The following SEPTIN8 variants were observed in gnomAD, a reference collection of about 807,000 sequenced individuals.
SEPTIN8 encodes septin-8.
A neutral mutation model predicts 53.1 loss-of-function variants in SEPTIN8; 22 were observed. The ratio of observed to expected loss-of-function variants is 0.41; its 90% confidence interval spans 0.30 to 0.59. The LOEUF (loss-of-function observed/expected upper bound fraction) is 0.59, where lower values mean the gene tolerates loss of function less well. Ranked by LOEUF, SEPTIN8 falls within the 20% of genes least tolerant of loss-of-function variation. The pLI is 0.24. For synonymous variants in SEPTIN8, 228 were observed against 248.4 expected (o/e 0.92, Z 0.77); for missense variants, 536 against 638.7 (o/e 0.84, Z 1.73).
chr5:132,778,185 T>C, upstream of SEPTIN8: 3 of 637,202 alleles, frequency 4.7e-6, no homozygotes, highest in Non-Finnish European at 5.9e-6. Flanking sequence ...TTCTCTTCCC[T>C]CTGCCTTTCT....
At chr5:132,765,610 TA>T in intron 1 of SEPTIN8, 81 bp from the exon 2 acceptor site, 2 of 1,472,908 alleles carry the variant, frequency 1.4e-6, no homozygotes. Flanking sequence ...AAATCTGAGT[TA>T]AAACAGTGAA....
intron 1 of SEPTIN8, among the ~76,000 whole-genome samples, chr5:132,769,828 G>A (rs1756987764): frequency 1.3e-5 from 2 of 151,378 alleles, no homozygotes; most frequent in Middle Eastern, 6.8e-3. Flanking sequence ...TTCCCGGGGA[G>A]AGGTGGGAAT....
In SEPTIN8 at chr5:132,752,170, A is replaced by T. The variant is rs1315998224; in HGVS notation, c.1298T>A (p.Ile433Lys). 6.3e-7 allele frequency: 1 copy of T among 1,585,218 alleles called. No homozygotes were observed. The highest frequency in any genetic ancestry group is 8.6e-7 in the Non-Finnish European group (1 of 1,164,534). The change falls in exon 10 of 10, where the codon ATA becomes AAA. Residue 433 changes from isoleucine (I) to lysine (K), a missense_variant. By Grantham distance (102) the Ile-to-Lys change is moderately radical (BLOSUM62 -3). This residue lies in a region of SEPTIN8 where 133 missense variants were observed against 157.4 expected (regional missense o/e 0.84). Coordinates refer to ENST00000378719, the MANE Select transcript of SEPTIN8 (RefSeq NM_001098811.2). ...GCTCATGCCCGGCTGGTGTGCTCCTATATCTGATCTGCTAAAGAAAGCACA... is the reference window on the plus strand; with the variant it reads ...GCTCATGCCCGGCTGGTGTGCTCCTTTATCTGATCTGCTAAAGAAAGCACA... ...KDKDKKNRSDIGAHQPGMSLS... is the reference protein window; with the variant it reads ...KDKDKKNRSDKGAHQPGMSLS...
At chr5:132,779,380 A>G (rs1461832710), upstream of SEPTIN8, among the ~76,000 whole-genome samples, 1 of 152,220 alleles carries the variant, frequency 6.6e-6, no homozygotes, top group Non-Finnish European at 1.5e-5. Flanking sequence ...GCTGAGTTCC[A>G]TACACAGACA....
chr5:132,766,011 G>GT (rs1048797858), intron 1 of SEPTIN8, among the ~76,000 whole-genome samples: 1 of 152,176 alleles, frequency 6.6e-6, no homozygotes, highest in African/African-American at 2.4e-5. Context: ...GTAGGGCCAC[G>GT]TCTGGTCCAA....
Position 132,777,108 on chromosome 5 carries a change from C to T in SEPTIN8, c.30G>A (p.Ser10=). ...CGCCGTGGCCCAGCGGGGCCCTCAC[C>T]GAGAAGCGCTCCAGGTCGGTGGCCG... MAATDLERF[S]NAEPEPRSLS... The change falls in exon 1 of 10, where the codon TCG becomes TCA. Residue 10 remains serine, a splice_region_variant and synonymous_variant. Coordinates refer to ENST00000378719, the MANE Select transcript of SEPTIN8 (RefSeq NM_001098811.2). This position sits in a 1 kb window ranked among gnomAD's most constrained non-coding sequence, Gnocchi z 4.1. 8.6e-7 allele frequency: 1 copy of T among 1,159,658 alleles called. No homozygotes were observed. Among genetic ancestry groups the T allele is most frequent in the Non-Finnish European group, 1.1e-6 (1 of 941,506 alleles). 71.8% of individuals were successfully genotyped at this position (1,159,658 alleles called of 1,614,324 possible). A position where few individuals can be genotyped will look rare whatever the true frequency, so the allele number is the denominator to read the frequency against.
chr5:132,764,270 T>G lies in SEPTIN8; in HGVS notation c.301A>C (p.Ile101Leu). 6.2e-7 allele frequency: 1 copy of G among 1,614,124 alleles called. No individual in the cohort carries two copies. The highest frequency in any genetic ancestry group is 8.5e-7 in the Non-Finnish European group (1 of 1,179,992). ...TCCCCAAAGCCCACGGCATCCACAATGGTCAGCTTGAGCTGCACGTTGCTC... is the reference window on the plus strand; with the variant it reads ...TCCCCAAAGCCCACGGCATCCACAAGGGTCAGCTTGAGCTGCACGTTGCTC... ...QESNVQLKLT[I>L]VDAVGFGDQI... Residue 101 changes from isoleucine to leucine, a missense_variant, in exon 3 of 10, where the codon ATT becomes CTT. Physicochemically the swap from Ile to Leu is conservative, Grantham distance 5. Around this residue, in one of 3 missense-constraint regions of SEPTIN8, gnomAD observed 395 missense variants for 451.8 expected, o/e 0.87. Coordinates refer to ENST00000378719, the MANE Select transcript of SEPTIN8 (RefSeq NM_001098811.2).
At chr5:132,766,397 G>T (rs1011197574) in intron 1 of SEPTIN8, among the ~76,000 whole-genome samples, 7 of 152,208 alleles carry the variant, frequency 4.6e-5, no homozygotes, top group Non-Finnish European at 1.0e-4. Flanking sequence ...GGGGCCACTG[G>T]AGGTGGCCCA....
chr5:132,761,774 A>G lies in SEPTIN8; in HGVS notation c.793+26T>C. 1 of 1,597,216 alleles carries G rather than the reference A, an allele frequency of 6.3e-7. No individual in the cohort carries two copies. The highest frequency in any genetic ancestry group is 1.7e-4 in the Middle Eastern group (1 of 6,004). Reference sequence around the variant, plus strand: ...GGCCAGGGAACTCAGTTCTACCCCCAGGATGCATTTCCTGTCCACACTCAC... The same window carrying G: ...GGCCAGGGAACTCAGTTCTACCCCCGGGATGCATTTCCTGTCCACACTCAC... On this transcript the variant is annotated intron_variant, in intron 6 of 9. Transcript: ENST00000378719. The surrounding 1 kb of genome is among the most constrained non-coding windows in gnomAD (Gnocchi z 5.8).
chr5:132,754,781 A>T (rs1755185241), intron 9 of SEPTIN8, among the ~76,000 whole-genome samples: 1 of 152,158 alleles, frequency 6.6e-6, no homozygotes. Flanking sequence ...ATTGGGAAAC[A>T]TTTCTCAGGG....
chr5:132,761,807 C>A lies in SEPTIN8; in HGVS notation c.786G>T (p.Val262=). ...TTTCCTGTCCACACTCACCCTGCAC[C>A]ACTCCCCAGGGGTACTGCCGTGCTC... is the stretch of plus-strand genomic sequence containing the variant. ...LVRARQYPWG[V]VQVENENHCD... Residue 262 remains valine, a synonymous_variant, in exon 6 of 10, where the codon GTG becomes GTT. Transcript: ENST00000378719. The surrounding 1 kb of genome is among the most constrained non-coding windows in gnomAD (Gnocchi z 5.8). The A allele has an allele frequency of 6.2e-7, 1 of 1,608,362 alleles. No homozygotes were observed. The highest frequency in any genetic ancestry group is 8.5e-7 in the Non-Finnish European group (1 of 1,177,450).
In SEPTIN8 at chr5:132,761,774, AG is replaced by A. The variant is rs1351150952; in HGVS notation, c.793+25del. On this transcript the variant is annotated intron_variant, in intron 6 of 9. Coordinates refer to ENST00000378719, the MANE Select transcript of SEPTIN8 (RefSeq NM_001098811.2). The surrounding 1 kb of genome is among the most constrained non-coding windows in gnomAD (Gnocchi z 5.8). ...GGCCAGGGAACTCAGTTCTACCCCCAGGATGCATTTCCTGTCCACACTCACC... is the reference window on the plus strand; with the variant it reads ...GGCCAGGGAACTCAGTTCTACCCCCAGATGCATTTCCTGTCCACACTCACC... 1 of 1,597,216 alleles carries A rather than the reference AG, an allele frequency of 6.3e-7. No individual in the cohort carries two copies. The highest frequency in any genetic ancestry group is 1.1e-5 in the South Asian group (1 of 88,362).
chr5:132,761,710 G>C lies in SEPTIN8; in HGVS notation c.794-84C>G. 1.3e-6 allele frequency: 2 copies of C among 1,588,366 alleles called. No individual in the cohort carries two copies. The highest frequency in any genetic ancestry group is 1.7e-6 in the Non-Finnish European group (2 of 1,164,270). On this transcript the variant is annotated intron_variant, in intron 6 of 9. Coordinates refer to ENST00000378719, the MANE Select transcript of SEPTIN8 (RefSeq NM_001098811.2). The surrounding 1 kb of genome is among the most constrained non-coding windows in gnomAD (Gnocchi z 5.8). ...TCAGGGTAGGCACGCAGGTGGGCAT[G>C]AGGAGGAAACAGCACAGGGTACTAC...
chr5:132,773,561 T>G lies in SEPTIN8; in HGVS notation c.30+3547A>C, dbSNP rs976705157. ...TGGATCTTGTTCCCCCTACCTTTGC[T>G]AGCCAATGACCAAAGTCTGCATCCT... On this transcript the variant is annotated intron_variant, in intron 1 of 9. Coordinates refer to ENST00000378719, the MANE Select transcript of SEPTIN8 (RefSeq NM_001098811.2). The surrounding 1 kb of genome is among the most constrained non-coding windows in gnomAD (Gnocchi z 4.2). Among the ~76,000 whole-genome samples, 12 of 152,350 alleles carry G rather than the reference T, an allele frequency of 7.9e-5. No individual in the cohort carries two copies. The highest frequency in any genetic ancestry group is 4.6e-4 in the Admixed American group (7 of 15,308).
chr5:132,773,662 T>C lies in SEPTIN8; in HGVS notation c.30+3446A>G, dbSNP rs942110193. On this transcript the variant is annotated intron_variant, in intron 1 of 9. Coordinates refer to ENST00000378719, the MANE Select transcript of SEPTIN8 (RefSeq NM_001098811.2). This position sits in a 1 kb window ranked among gnomAD's most constrained non-coding sequence, Gnocchi z 4.2. ...CACTGCCCTCCTTGCCATCCAAGGT[T>C]TTTGACACAAGTCAGACCCTGGGTT... 3.3e-5 allele frequency among the ~76,000 whole-genome samples: 5 copies of C among 152,134 alleles called. No homozygotes were observed. The highest frequency in any genetic ancestry group is 1.2e-4 in the African/African-American group (5 of 41,422).
chr5:132,766,252 C>T (rs1756582955), intron 1 of SEPTIN8, among the ~76,000 whole-genome samples: 1 of 152,190 alleles, frequency 6.6e-6, no homozygotes, highest in African/African-American at 2.4e-5. Flanking sequence ...CTCTAGAGAC[C>T]CCCAGCTCCT....
Position 132,764,331 on chromosome 5 carries a change from G to A in SEPTIN8, c.240C>T (p.Cys80=), listed in dbSNP as rs376162756. The A allele has an allele frequency of 1.2e-5, 19 of 1,614,196 alleles. No homozygotes were observed. The East Asian group carries it at 1.6e-4, about 13-fold the overall frequency. Residue 80 remains cysteine, a synonymous_variant, in exon 3 of 10, where the codon TGC becomes TGT. Coordinates refer to ENST00000378719, the MANE Select transcript of SEPTIN8 (RefSeq NM_001098811.2). ...CATAGGTCTGGGGCCGCAGGCGCAC[G>A]CATGCCTCATGGTGACTGGCTTCCT... is the stretch of plus-strand genomic sequence containing the variant. ...ETEEASHHEA[C]VRLRPQTYDL...
intron 1 of SEPTIN8, among the ~76,000 whole-genome samples, chr5:132,775,113 C>A (rs567065209): frequency 1.3e-5 from 2 of 152,296 alleles, no homozygotes; most frequent in East Asian, 3.9e-4. Context: ...TCAGGCTCTA[C>A]GCCCTTGCCT....
rs763108856 is a variant in SEPTIN8 at position 132,760,841 on chromosome 5, G to C, written c.1247C>G (p.Thr416Ser). The change falls in exon 9 of 10, where the codon ACC becomes AGC. Residue 416 changes from threonine (T) to serine (S), a missense_variant. Thr to Ser is a moderately conservative substitution (Grantham distance 58, BLOSUM62 1). Transcript: ENST00000378719. The surrounding 1 kb of genome is among the most constrained non-coding windows in gnomAD (Gnocchi z 5.2). ...GTCCTTCCTCAGGGGCTGCTGCGAG[G>C]TGGCGTGCAAGGCCTGCGACTGCAG... ...EALQSQALHA[T>S]SQQPLRKDKD... 2 of 1,613,956 alleles carry C rather than the reference G, an allele frequency of 1.2e-6. No homozygotes were observed. The highest frequency in any genetic ancestry group is 1.7e-6 in the Non-Finnish European group (2 of 1,180,030).
Sources: allele counts gnomAD v4.1 joint callset (sites outside exome capture counted in the v4.1 genomes callset), GRCh38; gene constraint gnomAD v4.1.1; regional missense constraint gnomAD v4.1.1; non-coding constraint Gnocchi (gnomAD v3.1); transcripts MANE v1.5; gene names NCBI Gene and HGNC (gene_info 2026-07-23, HGNC 2026-07-21).